Variants in SCART1 observed in about 807,000 individuals in gnomAD.
The protein encoded by SCART1 is scavenger receptor cysteine-rich domain-containing protein SCART1.
In SCART1, 62 loss-of-function variants were observed where a neutral mutation model predicts 36.2. That is an observed-to-expected ratio of 1.71 (90% confidence interval 1.40 to 2.12). The LOEUF is 2.12. SCART1 is among the 30% of genes most tolerant of loss of function. The pLI is 0.00. For missense variants in SCART1, 1,041 were observed against 540.5 expected (o/e 1.93, Z -9.18); for synonymous variants, 487 against 238.7 (o/e 2.04, Z -9.59).
At chr10:133,465,266 G>A (rs1589937026) in exon 9 of SCART1, 1 of 691,316 alleles carries the variant, frequency 1.4e-6, no homozygotes. Flanking sequence ...GGCGCACTGC[G>A]CGTGCGCGGG....
Position 133,456,418 on chromosome 10 carries a change from GC to G in SCART1, c.251del (p.Pro84LeufsTer55), listed in dbSNP as rs1564833345. Reference sequence around the variant, plus strand: ...TGGGCGCCCCCAAGTATGTCCCGCTGCCTGGAGAGATGGCCCAGCCCTGGCT... The same window carrying G: ...TGGGCGCCCCCAAGTATGTCCCGCTGCTGGAGAGATGGCCCAGCCCTGGCT... On this transcript the variant is annotated frameshift_variant, in exon 2 of 12. Transcript: ENST00000640237. LOFTEE classifies it high-confidence loss of function. The G allele has an allele frequency of 1.4e-6, 1 of 702,884 alleles. No homozygotes were observed. The highest frequency in any genetic ancestry group is 2.0e-5 in the Admixed American group (1 of 50,008). The allele number at this position is 702,884 out of a possible 1,614,324, so 43.5% of individuals were successfully genotyped here.
At chr10:133,466,028 C>G in intron 9 of SCART1, 2 of 654,300 alleles carry the variant, frequency 3.1e-6, no homozygotes, top group Middle Eastern at 5.1e-4. Flanking sequence ...AGGGGGCTGT[C>G]CCTTGAAAGC....
exon 5 of SCART1, chr10:133,459,283 C>T (rs1295028857): frequency 1.5e-6 from 1 of 654,612 alleles, no homozygotes; most frequent in African/African-American, 1.8e-5. Context: ...CCCTGGGGGC[C>T]CCGGCCTGTG....
At position 133,457,516 on chromosome 10, in the gene SCART1, T is replaced by C. The variant is rs1235494095; in HGVS notation, c.623T>C (p.Leu208Pro). 28 of 702,520 alleles carry C rather than the reference T, an allele frequency of 4.0e-5. No homozygotes were observed. The Admixed American group carries it at 5.4e-4, about 14-fold the overall frequency. The allele number at this position is 702,520 out of a possible 1,614,324, so 43.5% of individuals were successfully genotyped here. A position where few individuals can be genotyped will look rare whatever the true frequency, so the allele number is the denominator to read the frequency against. The change falls in exon 3 of 12, where the codon CTG becomes CCG. Residue 208 changes from leucine to proline, a missense_variant. Leu to Pro is a moderately conservative substitution (Grantham distance 98, BLOSUM62 -3). Coordinates refer to ENST00000640237, the Ensembl canonical transcript of SCART1. ...GAGCCCACCATCCGCAGCTGCAGAC[T>C]GGACAACAACTTCCGCAGCGGCTGC...
At chr10:133,455,286 A>G (rs150579509) in intron 1 of SCART1, among the ~76,000 whole-genome samples, 2 of 152,060 alleles carry the variant, frequency 1.3e-5, no homozygotes, top group Non-Finnish European at 1.5e-5. Context: ...AAAATTGCAG[A>G]CACCAGCACG....
At chr10:133,465,002 G>A (rs1326548019) in intron 7 of SCART1, 91 bp downstream of exon 7, 1 of 700,220 alleles carries the variant, frequency 1.4e-6, no homozygotes, top group Non-Finnish European at 2.6e-6. Flanking sequence ...TACAGGGGAT[G>A]CCATTCAATC....
exon 12 of SCART1, chr10:133,467,896 G>C: frequency 1.4e-6 from 1 of 700,770 alleles, no homozygotes; most frequent in Non-Finnish European, 2.6e-6. Context: ...TACGTGCGGA[G>C]GGAGGACACA....
At chr10:133,455,842 T>C (rs1291171686) in intron 1 of SCART1, among the ~76,000 whole-genome samples, 1 of 151,836 alleles carries the variant, frequency 6.6e-6, no homozygotes, top group Non-Finnish European at 1.5e-5. Flanking sequence ...GTGTGGACAG[T>C]CACGTGGGTG....
chr10:133,454,110 G>A, intron 1 of SCART1, 46 bp downstream of exon 1: 1 of 702,916 alleles, frequency 1.4e-6, no homozygotes, highest in South Asian at 1.5e-5. Context: ...GGAGGCATCA[G>A]CTCTGTTGAT....
rs114868282 is a variant in SCART1, at chr10:133,467,752, T to C, written c.2963-95T>C. On this transcript the variant is annotated intron_variant, in intron 11 of 11. Coordinates refer to ENST00000640237, the Ensembl canonical transcript of SCART1. ...ATTGCCAGGTGCTTTCTGGTTGACATGTTTATGCGTTCCTGTCTTACGGGC... is the reference window on the plus strand; with the variant it reads ...ATTGCCAGGTGCTTTCTGGTTGACACGTTTATGCGTTCCTGTCTTACGGGC... The C allele has an allele frequency of 9.7e-4, 542 of 555,970 alleles. 2 individuals carry two copies. Among genetic ancestry groups the C allele is most frequent in the African/African-American group, 9.7e-3 (517 of 53,418 alleles). The allele number at this position is 555,970 out of a possible 1,614,324, so 34.4% of individuals were successfully genotyped here. A position where few individuals can be genotyped will look rare whatever the true frequency, so the allele number is the denominator to read the frequency against.
intron 6 of SCART1, 55 bp downstream of exon 6, chr10:133,460,225 C>A (rs1156666306): frequency 5.4e-5 from 23 of 427,128 alleles, no homozygotes; most frequent in Non-Finnish European, 9.1e-5. Flanking sequence ...TACAGTCATG[C>A]GCACTTGCTT....
At chr10:133,455,612 T>C (rs1378228402) in intron 1 of SCART1, among the ~76,000 whole-genome samples, 2 of 151,802 alleles carry the variant, frequency 1.3e-5, no homozygotes, top group Non-Finnish European at 2.9e-5. Flanking sequence ...TGCAGAGGCC[T>C]GGAGAGGGTG....
chr10:133,468,240 A>T (rs10857722), exon 12 of SCART1: 53,461 of 296,256 alleles, frequency 0.18, 5,323 homozygotes, highest in African/African-American at 0.35. Context: ...CAGTGGTTCC[A>T]TTTGTGGTTT....
chr10:133,457,115 C>T, intron 2 of SCART1, 164 bp from the exon 3 acceptor site: 1 of 602,848 alleles, frequency 1.7e-6, no homozygotes, highest in Admixed American at 3.0e-5. Context: ...AAGCTGGGCA[C>T]AGGGGTCTCT....
chr10:133,456,580 G>A lies in SCART1; in HGVS notation c.385+26G>A, dbSNP rs190615865. The A allele has an allele frequency of 1.5e-3, 949 of 628,352 alleles. 7 individuals carry two copies. Among genetic ancestry groups the A allele is most frequent in the African/African-American group, 0.015 (776 of 52,216 alleles). 38.9% of individuals were successfully genotyped at this position (628,352 alleles called of 1,614,324 possible). A position where few individuals can be genotyped will look rare whatever the true frequency, so the allele number is the denominator to read the frequency against. ...GTAAGTAGGGAGGAGTGAAGGGGAC[G>A]GGGCTGAGGAGGAGGAGGAGTGGGA... On this transcript the variant is annotated intron_variant, in intron 2 of 11. Coordinates refer to ENST00000640237, the Ensembl canonical transcript of SCART1.
chr10:133,457,818 C>G, intron 3 of SCART1: 1 of 555,100 alleles, frequency 1.8e-6, no homozygotes, highest in Non-Finnish European at 3.1e-6. Context: ...TCTAGGGGTC[C>G]TGGCTGCCGC....
At position 133,464,914 on chromosome 10, in the gene SCART1, C is replaced by T. The variant is rs1454636941; in HGVS notation, c.2275+3C>T. The T allele has an allele frequency of 4.3e-6, 3 of 702,906 alleles. No homozygotes were observed. The highest frequency in any genetic ancestry group is 7.8e-6 in the Non-Finnish European group (3 of 384,990). The allele number at this position is 702,906 out of a possible 1,614,324, so 43.5% of individuals were successfully genotyped here. ...ACTCTTGCGACCTTCGAGAGCAGGT[C>T]TGGATTACCTGTGCAGGTGGGCATT... On this transcript the variant is annotated splice_donor_region_variant and intron_variant, in intron 7 of 11. Transcript: ENST00000640237.
rs868320817 is a variant in SCART1, at chr10:133,454,017, C to A, written c.20C>A (p.Thr7Asn). 2.8e-6 allele frequency: 2 copies of A among 702,966 alleles called. 1 individual carries two copies. The highest frequency in any genetic ancestry group is 4.6e-4 in the Middle Eastern group (2 of 4,370). 43.5% of individuals were successfully genotyped at this position (702,966 alleles called of 1,614,324 possible). The change falls in exon 1 of 12, where the codon ACC becomes AAC. Residue 7 changes from threonine to asparagine, a missense_variant. Physicochemically the swap from Thr to Asn is moderately conservative, Grantham distance 65. Transcript: ENST00000640237. ...GGGACCATGAGGGCAGCTCTCTGGA[C>A]CCTGGGACTCGGGCCCCTTCTTCTG... is the stretch of plus-strand genomic sequence containing the variant.
rs1850757253 is a variant in SCART1, at chr10:133,465,646, T to G, written c.2659+81T>G. ...GAGTCAGTCTTGAGTGTCACTTCGG[T>G]GGGCAGGAGAGCTCGCCCAGGTGTT... On this transcript the variant is annotated intron_variant, in intron 9 of 11. Coordinates refer to ENST00000640237, the Ensembl canonical transcript of SCART1. 11 of 593,140 alleles carry G rather than the reference T, an allele frequency of 1.9e-5. No homozygotes were observed. In the South Asian group the frequency reaches 2.2e-4, roughly 12 times the overall value. 36.7% of individuals were successfully genotyped at this position (593,140 alleles called of 1,614,324 possible). A position where few individuals can be genotyped will look rare whatever the true frequency, so the allele number is the denominator to read the frequency against.
Sources: allele counts gnomAD v4.1 joint callset (sites outside exome capture counted in the v4.1 genomes callset), GRCh38; gene constraint gnomAD v4.1.1; transcripts MANE v1.5; gene names NCBI Gene and HGNC (gene_info 2026-07-23, HGNC 2026-07-21).